Variants in CCDC91 observed in about 807,000 individuals in gnomAD.
CCDC91 encodes coiled-coil domain containing 91, also known as coiled-coil domain-containing protein 91.
Under a neutral mutation model 63.2 loss-of-function variants are expected in CCDC91, and 48 were observed. The ratio of observed to expected loss-of-function variants is 0.76; its 90% CI spans 0.60 to 0.97. CCDC91 has a LOEUF of 0.97. Among genes scored for constraint, CCDC91 ranks in the 50% least tolerant of loss-of-function variants. The pLI, the probability that CCDC91 is intolerant of heterozygous loss-of-function variation, is 0.00. For missense variants in CCDC91, 500 were observed against 494.6 expected (o/e 1.01, Z -0.10); for synonymous variants, 167 against 165.8 (o/e 1.01, Z -0.06).
chr12:28,208,271 A>G (rs1413553759), intron 1 of CCDC91, among the ~76,000 whole-genome samples: 1 of 140,196 alleles, frequency 7.1e-6, no homozygotes, highest in African/African-American at 2.6e-5. Context: ...TAAAAACACA[A>G]TTGACAAAGA....
intron 1 of CCDC91, 123 bp from the exon 2 acceptor site, chr12:28,257,079 A>C (rs1450094287): frequency 1.8e-6 from 1 of 558,242 alleles, no homozygotes; most frequent in Non-Finnish European, 3.1e-6. Context: ...TTTTGCATAA[A>C]AAATGCATAG....
In CCDC91 at chr12:28,538,768, CTT is replaced by C. The variant is rs1942394388; in HGVS notation, c.1216-10294_1216-10293del. Among the ~76,000 whole-genome samples the C allele has an allele frequency of 7.9e-5, 12 of 151,688 alleles. No homozygotes were observed. The South Asian group carries it at 8.3e-4, about 11-fold the overall frequency. Reference sequence around the variant, plus strand: ...TTTCTCCACATCCTCTCCAGCACCTCTTGTTTCCTGACTTTTTAATGATTGCC... The same window carrying C: ...TTTCTCCACATCCTCTCCAGCACCTCGTTTCCTGACTTTTTAATGATTGCC... On this transcript the variant is annotated intron_variant, in intron 12 of 12. Coordinates refer to ENST00000536442, the MANE Select transcript of CCDC91 (RefSeq NM_018318.5).
chr12:28,443,125 A>G (rs1443322448), intron 8 of CCDC91, among the ~76,000 whole-genome samples: 1 of 33,190 alleles, frequency 3.0e-5, no homozygotes, highest in Non-Finnish European at 5.9e-5. Context: ...TAGAAATCTC[A>G]TGGTTTGAAT....
chr12:28,342,862 TGAG>T (rs759064381), intron 6 of CCDC91, among the ~76,000 whole-genome samples: 98 of 152,186 alleles, frequency 6.4e-4, no homozygotes, highest in Middle Eastern at 6.8e-3. Context: ...TAAAGAGAGT[TGAG>T]GAGATATTGG....
chr12:28,453,384 ATAC>A (rs1351501520), intron 11 of CCDC91, among the ~76,000 whole-genome samples: 10 of 152,080 alleles, frequency 6.6e-5, no homozygotes, highest in Admixed American at 2.6e-4. Context: ...ACTGTTAAAT[ATAC>A]TACAATTGTT....
intron 3 of CCDC91, among the ~76,000 whole-genome samples, chr12:28,266,612 T>A (rs1215726758): frequency 6.6e-6 from 1 of 152,006 alleles, no homozygotes; most frequent in Non-Finnish European, 1.5e-5. Context: ...CTTTTAACAA[T>A]CAATTACTGT....
At chr12:28,287,397 G>A (rs1430329947) in intron 3 of CCDC91, among the ~76,000 whole-genome samples, 2 of 152,118 alleles carry the variant, frequency 1.3e-5, no homozygotes, top group Admixed American at 1.3e-4. Context: ...ATAGTGTAAG[G>A]AAGGGGTCCA....
At chr12:28,514,575 A>C (rs149276690) in intron 12 of CCDC91, among the ~76,000 whole-genome samples, 9 of 151,874 alleles carry the variant, frequency 5.9e-5, no homozygotes, top group Non-Finnish European at 1.3e-4. Context: ...TCGTATGTCC[A>C]GAATGGTATT....
intron 8 of CCDC91, among the ~76,000 whole-genome samples, chr12:28,398,245 A>AT (rs1206221472): frequency 6.6e-6 from 1 of 151,736 alleles, no homozygotes; most frequent in Non-Finnish European, 1.5e-5. Context: ...GATTTGTTTC[A>AT]TTTTTTCTGT....
Position 28,529,660 on chromosome 12 carries a change from G to A in CCDC91, c.1216-19403G>A, listed in dbSNP as rs564687685. 2.6e-5 allele frequency among the ~76,000 whole-genome samples: 4 copies of A among 152,170 alleles called. No homozygotes were observed. The East Asian group carries it at 5.8e-4, about 22-fold the overall frequency. ...GAACAGGAATGTATGTGTAGACAAG[G>A]GCATATTTTTCAGTGAGACACGATA... On this transcript the variant is annotated intron_variant, in intron 12 of 12. Transcript: ENST00000536442.
chr12:28,341,624 G>A (rs1416842030), intron 6 of CCDC91, among the ~76,000 whole-genome samples: 2 of 152,118 alleles, frequency 1.3e-5, no homozygotes, highest in African/African-American at 2.4e-5. Context: ...CCATTATTCT[G>A]CCTATTACAC....
At chr12:28,356,924 A>G (rs1479493598) in intron 6 of CCDC91, among the ~76,000 whole-genome samples, 1 of 152,144 alleles carries the variant, frequency 6.6e-6, no homozygotes, top group East Asian at 1.9e-4. Context: ...GATCACTGTA[A>G]TAATTCATTC....
intron 1 of CCDC91, among the ~76,000 whole-genome samples, chr12:28,233,374 C>A (rs1449127191): frequency 6.6e-6 from 1 of 152,042 alleles, no homozygotes; most frequent in African/African-American, 2.4e-5. Flanking sequence ...CTTAATTTAT[C>A]CAACATGTTT....
At chr12:28,511,570 G>A (rs1320692102) in intron 12 of CCDC91, among the ~76,000 whole-genome samples, 1 of 151,828 alleles carries the variant, frequency 6.6e-6, no homozygotes, top group African/African-American at 2.4e-5. Flanking sequence ...TCCAGTATAA[G>A]CAAAGGTGCT....
intron 3 of CCDC91, among the ~76,000 whole-genome samples, chr12:28,274,005 AT>A (rs1204101653): frequency 6.6e-6 from 1 of 152,072 alleles, no homozygotes. Flanking sequence ...TCCATCTTGA[AT>A]TAATTTTTGT....
intron 3 of CCDC91, among the ~76,000 whole-genome samples, chr12:28,270,508 C>T (rs1947690450): frequency 6.6e-6 from 1 of 152,010 alleles, no homozygotes; most frequent in Non-Finnish European, 1.5e-5. Context: ...TTAAGAAATG[C>T]TTTAGTTATG....
intron 11 of CCDC91, among the ~76,000 whole-genome samples, chr12:28,461,559 G>T (rs1592738863): frequency 6.6e-6 from 1 of 151,768 alleles, no homozygotes; most frequent in East Asian, 1.9e-4. Context: ...TATAACTTTG[G>T]TTAAGTAGCC....
At chr12:28,441,675 T>C (rs932642515) in intron 8 of CCDC91, among the ~76,000 whole-genome samples, 1 of 145,354 alleles carries the variant, frequency 6.9e-6, no homozygotes, top group African/African-American at 2.7e-5. Flanking sequence ...ATATCTCATA[T>C]ATATCTCATG....
intron 11 of CCDC91, among the ~76,000 whole-genome samples, chr12:28,466,232 G>A (rs752216817): frequency 2.1e-4 from 32 of 152,128 alleles, no homozygotes; most frequent in Non-Finnish European, 3.8e-4. Flanking sequence ...CCTCAAAGGG[G>A]CAAACCTAAG....
Sources: allele counts gnomAD v4.1 joint callset (sites outside exome capture counted in the v4.1 genomes callset), GRCh38; gene constraint gnomAD v4.1.1; transcripts MANE v1.5; gene names NCBI Gene and HGNC (gene_info 2026-07-23, HGNC 2026-07-21).